The following SMOC1 variants were observed in gnomAD, a reference collection of about 807,000 sequenced individuals.
The protein encoded by SMOC1 is SPARC related modular calcium binding 1, also known as SPARC-related modular calcium-binding protein 1.
In SMOC1, 22 loss-of-function variants were observed where a neutral mutation model predicts 56.3. That is an observed-to-expected ratio of 0.39 (90% CI 0.28 to 0.56). SMOC1 has a LOEUF of 0.56. Ranked by LOEUF, SMOC1 falls within the 20% of genes least tolerant of loss-of-function variation. SMOC1 has a pLI of 0.61. For synonymous variants in SMOC1, 193 were observed against 215.0 expected (o/e 0.90, Z 0.89); for missense variants, 509 against 565.4 (o/e 0.90, Z 1.01).
At chr14:69,915,525 A>G (rs2475399) in intron 1 of SMOC1, among the ~76,000 whole-genome samples, 151,581 of 152,310 alleles carry the variant, frequency 1, 75,430 homozygotes, top group East Asian at 1. Context: ...TCACCTTTTT[A>G]TTAGCATCCC....
In SMOC1 at chr14:69,977,869, C is replaced by A. The variant is rs542641847; in HGVS notation, c.479-49C>A. On this transcript the variant is annotated intron_variant, in intron 4 of 11. Transcript: ENST00000361956. ...TTGCCAACTCTTAGAAAGAAACCAA[C>A]CACAATGCATTCTGAGTGGCTATGT... The A allele has an allele frequency of 1.2e-5, 19 of 1,550,392 alleles. No individual in the cohort carries two copies. The South Asian group carries it at 1.7e-4, about 14-fold the overall frequency.
chr14:70,029,122 T>C (rs73290788), intron 11 of SMOC1, among the ~76,000 whole-genome samples: 21,978 of 152,106 alleles, frequency 0.14, 2,126 homozygotes, highest in African/African-American at 0.27. Context: ...GCCCTAAGCA[T>C]CTCGGAGTGG....
At chr14:69,930,190 T>C (rs868821640) in intron 1 of SMOC1, among the ~76,000 whole-genome samples, 25 of 148,680 alleles carry the variant, frequency 1.7e-4, no homozygotes, top group African/African-American at 5.6e-4. Context: ...CCCTTCCCAC[T>C]CCCCTGACAG....
At chr14:69,935,653 G>T (rs1885276912) in intron 1 of SMOC1, among the ~76,000 whole-genome samples, 1 of 152,200 alleles carries the variant, frequency 6.6e-6, no homozygotes. Context: ...CCTCCTCCAA[G>T]GAGCTTGCTA....
intron 7 of SMOC1, 39 bp from the exon 8 acceptor site, chr14:70,010,715 A>G (rs1190840477): frequency 4.4e-6 from 7 of 1,605,244 alleles, no homozygotes; most frequent in Non-Finnish European, 6.0e-6. Context: ...GTTAAATCAC[A>G]GGAGTGATAG....
intron 9 of SMOC1, among the ~76,000 whole-genome samples, chr14:70,012,644 G>T (rs1885381746): frequency 6.6e-6 from 1 of 152,230 alleles, no homozygotes; most frequent in Admixed American, 6.5e-5. Context: ...ACTGGGAGTA[G>T]TGTAGAGGGC....
chr14:69,882,204 C>T (rs1052603700), intron 1 of SMOC1, among the ~76,000 whole-genome samples: 5 of 152,078 alleles, frequency 3.3e-5, no homozygotes, highest in Admixed American at 1.3e-4. Flanking sequence ...TTGTTGAGAG[C>T]GGCGTCATCC....
intron 3 of SMOC1, among the ~76,000 whole-genome samples, chr14:69,959,565 A>G (rs1258224691): frequency 2.0e-5 from 3 of 152,150 alleles, no homozygotes; most frequent in Non-Finnish European, 4.4e-5. Context: ...TTCTTGATAT[A>G]GTTGTATGGG....
At chr14:69,965,507 C>T (rs903358146) in intron 3 of SMOC1, among the ~76,000 whole-genome samples, 1 of 152,178 alleles carries the variant, frequency 6.6e-6, no homozygotes, top group Non-Finnish European at 1.5e-5. Flanking sequence ...CCCAGGATCA[C>T]TGAGTACAGT....
intron 7 of SMOC1, among the ~76,000 whole-genome samples, chr14:70,001,926 C>T (rs529199125): frequency 6.6e-6 from 1 of 152,366 alleles, no homozygotes; most frequent in South Asian, 2.1e-4. Context: ...TCTATTCCAA[C>T]TGTTGCTGAC....
chr14:69,929,510 G>A (rs896421658), intron 1 of SMOC1, among the ~76,000 whole-genome samples: 3 of 152,118 alleles, frequency 2.0e-5, no homozygotes, highest in African/African-American at 4.8e-5. Context: ...GATTCTAAAC[G>A]CCATACTCTT....
At chr14:69,920,351 A>T (rs1444840753) in intron 1 of SMOC1, among the ~76,000 whole-genome samples, 1 of 152,188 alleles carries the variant, frequency 6.6e-6, no homozygotes, top group Non-Finnish European at 1.5e-5. Context: ...TTTTATGGAC[A>T]TGTAAATTAG....
intron 1 of SMOC1, among the ~76,000 whole-genome samples, chr14:69,933,116 C>T (rs1179379824): frequency 6.6e-6 from 1 of 152,062 alleles, no homozygotes; most frequent in African/African-American, 2.4e-5. Flanking sequence ...ATAGCAAGCG[C>T]AGGTGAAAAA....
chr14:69,897,341 T>G (rs1304883806), intron 1 of SMOC1, among the ~76,000 whole-genome samples: 2 of 152,170 alleles, frequency 1.3e-5, no homozygotes, highest in African/African-American at 2.4e-5. Flanking sequence ...CCACACCTAC[T>G]TTTTTTTCTT....
chr14:69,908,802 G>A (rs1045851890), intron 1 of SMOC1, among the ~76,000 whole-genome samples: 1 of 152,106 alleles, frequency 6.6e-6, no homozygotes, highest in Admixed American at 6.5e-5. Flanking sequence ...GGCAGGCTGG[G>A]CTCAAAACAG....
At position 69,944,882 on chromosome 14, in the gene SMOC1, AT is replaced by A. The variant is rs58849772; in HGVS notation, c.100-7249del. ...GCCATACTGGTATATCCTCTTAGAG[AT>A]TTTTTTCATTTCCATTATTCCAAGG... is the stretch of plus-strand genomic sequence containing the variant. On this transcript the variant is annotated intron_variant, in intron 1 of 11. Coordinates refer to ENST00000361956, the MANE Select transcript of SMOC1 (RefSeq NM_001034852.3). 6.9e-3 allele frequency among the ~76,000 whole-genome samples: 1,052 copies of A among 152,170 alleles called. 9 individuals carry two copies. The highest frequency in any genetic ancestry group is 0.024 in the African/African-American group (981 of 41,488).
chr14:69,962,662 G>A (rs778039783), intron 3 of SMOC1, among the ~76,000 whole-genome samples: 5 of 151,398 alleles, frequency 3.3e-5, no homozygotes, highest in African/African-American at 7.3e-5. Context: ...CTGCAACCTC[G>A]GCCTCTTGGG....
intron 3 of SMOC1, among the ~76,000 whole-genome samples, chr14:69,963,947 G>A (rs982955353): frequency 6.6e-6 from 1 of 152,172 alleles, no homozygotes; most frequent in African/African-American, 2.4e-5. Context: ...GTGCAAGGAT[G>A]TGTGATAAGA....
At chr14:69,889,932 C>A (rs1372818541) in intron 1 of SMOC1, among the ~76,000 whole-genome samples, 4 of 152,148 alleles carry the variant, frequency 2.6e-5, no homozygotes, top group Non-Finnish European at 5.9e-5. Flanking sequence ...TTTAAGGACT[C>A]TTGTGATTAC....
Sources: gnomAD v4.1 joint callset for allele counts (sites outside exome capture counted in the v4.1 genomes callset) on GRCh38, gnomAD v4.1.1 for gene constraint, MANE v1.5 for transcripts, NCBI Gene and HGNC (gene_info 2026-07-23, HGNC 2026-07-21) for gene names.